The following ZBTB20 variants were observed in gnomAD, a reference collection of about 807,000 sequenced individuals.
ZBTB20 encodes the protein zinc finger and BTB domain-containing protein 20.
A neutral mutation model predicts 56.9 loss-of-function variants in ZBTB20; 9 were observed. The ratio of observed to expected loss-of-function variants is 0.16; its 90% CI spans 0.10 to 0.28. ZBTB20 has a LOEUF of 0.28. Among genes scored for constraint, ZBTB20 ranks in the 10% least tolerant of loss-of-function variants. The probability of loss-of-function intolerance (pLI) is 1.00; values close to 1 mark genes in which losing one functional copy is unlikely to be tolerated. For synonymous variants in ZBTB20, 417 were observed against 420.7 expected (o/e 0.99, Z 0.11); for missense variants, 655 against 1,003.0 (o/e 0.65, Z 4.69).
Position 114,439,324 on chromosome 3 carries a change from T to C in ZBTB20, c.-254-50219A>G, listed in dbSNP as rs567624285. Among the ~76,000 whole-genome samples the C allele has an allele frequency of 1.5e-3, 233 of 152,234 alleles. 2 individuals carry two copies. The highest frequency in any genetic ancestry group is 5.5e-3 in the African/African-American group (228 of 41,554). ...CACAGGTTCAGAAGTGCAGGTGAAT[T>C]ACCACAATAACTCTTTTCAGTTAGA... On this transcript the variant is annotated intron_variant, in intron 7 of 11. Coordinates refer to ENST00000675478, the MANE Select transcript of ZBTB20 (RefSeq NM_001348800.3).
chr3:114,534,636 G>A lies in ZBTB20; in HGVS notation c.-294-34245C>T, dbSNP rs559411572. 8.5e-5 allele frequency among the ~76,000 whole-genome samples: 13 copies of A among 152,164 alleles called. No homozygotes were observed. The East Asian group carries it at 2.1e-3, about 25-fold the overall frequency. Reference sequence around the variant, plus strand: ...CTTGAACTCAGCCCTGGGAACAAGTGGACCAAATAGACATCTACAGAACTC... The same window carrying A: ...CTTGAACTCAGCCCTGGGAACAAGTAGACCAAATAGACATCTACAGAACTC... On this transcript the variant is annotated intron_variant, in intron 6 of 11. Coordinates refer to ENST00000675478, the MANE Select transcript of ZBTB20 (RefSeq NM_001348800.3).
chr3:115,016,063 A>G (rs574034158), intron 2 of ZBTB20, among the ~76,000 whole-genome samples: 1 of 152,086 alleles, frequency 6.6e-6, no homozygotes, highest in Admixed American at 6.6e-5. Context: ...CATTTCTCTA[A>G]TGATCATTGA....
chr3:114,997,109 T>G (rs1246679692), intron 2 of ZBTB20, among the ~76,000 whole-genome samples: 1 of 151,716 alleles, frequency 6.6e-6, no homozygotes, highest in Non-Finnish European at 1.5e-5. Context: ...TCTTAAACAG[T>G]AGGGGCAGTT....
intron 6 of ZBTB20, among the ~76,000 whole-genome samples, chr3:114,663,646 C>G (rs1472205224): frequency 4.0e-5 from 6 of 151,462 alleles, no homozygotes; most frequent in Non-Finnish European, 7.4e-5. Flanking sequence ...GGAAACCCAT[C>G]TCACGTGCAG....
chr3:114,600,813 T>G (rs954919132), intron 6 of ZBTB20, among the ~76,000 whole-genome samples: 1 of 152,008 alleles, frequency 6.6e-6, no homozygotes, highest in Non-Finnish European at 1.5e-5. Context: ...ATTTTCTCCC[T>G]CCAGTCTCAT....
intron 1 of ZBTB20, among the ~76,000 whole-genome samples, chr3:115,087,476 C>A (rs1467670681): frequency 6.6e-6 from 1 of 151,840 alleles, no homozygotes; most frequent in South Asian, 2.1e-4. Flanking sequence ...GCCTCTACAC[C>A]TGAGATTATC....
intron 5 of ZBTB20, among the ~76,000 whole-genome samples, chr3:114,788,765 G>T (rs1260929960): frequency 6.6e-6 from 1 of 152,128 alleles, no homozygotes; most frequent in Non-Finnish European, 1.5e-5. Context: ...ATGTACCCAA[G>T]ACTGGGTAAT....
At chr3:114,556,098 G>A (rs552842936) in intron 6 of ZBTB20, among the ~76,000 whole-genome samples, 1 of 152,094 alleles carries the variant, frequency 6.6e-6, no homozygotes, top group Non-Finnish European at 1.5e-5. Flanking sequence ...AAGCATGCCA[G>A]TGAAAAGTTA....
At chr3:114,902,802 A>G (rs1187729828) in intron 3 of ZBTB20, among the ~76,000 whole-genome samples, 1 of 152,172 alleles carries the variant, frequency 6.6e-6, no homozygotes, top group Non-Finnish European at 1.5e-5. Flanking sequence ...ACCAAAGCAA[A>G]TAAGTTAGTT....
intron 6 of ZBTB20, among the ~76,000 whole-genome samples, chr3:114,586,151 G>A (rs2055154676): frequency 1.3e-5 from 2 of 152,164 alleles, no homozygotes; most frequent in Admixed American, 1.3e-4. Flanking sequence ...GTTCCTCCAT[G>A]TTTAGAATTT....
At chr3:114,770,268 G>A (rs747378465) in intron 5 of ZBTB20, among the ~76,000 whole-genome samples, 3 of 151,796 alleles carry the variant, frequency 2.0e-5, no homozygotes, top group Non-Finnish European at 4.4e-5. Context: ...GTGAAACCCT[G>A]TCTGTAGTAA....
rs999856658 is a variant in ZBTB20, at chr3:115,112,803, G to A, written c.-703+34416C>T. Among the ~76,000 whole-genome samples, 57 of 152,064 alleles carry A rather than the reference G, an allele frequency of 3.7e-4. 1 individual carries two copies. Among genetic ancestry groups the A allele is most frequent in the African/African-American group, 1.4e-3 (57 of 41,400 alleles). On this transcript the variant is annotated intron_variant, in intron 1 of 11. Transcript: ENST00000675478. ...TCCTTTGATATACTGATTTCTTTTT[G>A]AGGGGGATACTCAATAGAGAGATTG... is the stretch of plus-strand genomic sequence containing the variant.
chr3:114,656,558 T>C (rs1288311109), intron 6 of ZBTB20, among the ~76,000 whole-genome samples: 1 of 152,194 alleles, frequency 6.6e-6, no homozygotes, highest in African/African-American at 2.4e-5. Flanking sequence ...GTTCTTTACA[T>C]TAATAATTTC....
At chr3:114,639,306 G>C (rs1180767748) in intron 6 of ZBTB20, among the ~76,000 whole-genome samples, 1 of 151,998 alleles carries the variant, frequency 6.6e-6, no homozygotes, top group Non-Finnish European at 1.5e-5. Context: ...CAGGAGGTGG[G>C]GAAAAAGACT....
intron 7 of ZBTB20, among the ~76,000 whole-genome samples, chr3:114,413,897 A>G (rs2088241715): frequency 3.3e-5 from 5 of 152,184 alleles, no homozygotes; most frequent in Admixed American, 2.6e-4. Flanking sequence ...CTCTGCTACC[A>G]CACTGCTGCT....
chr3:114,497,144 A>T (rs995622522), intron 7 of ZBTB20, among the ~76,000 whole-genome samples: 2 of 152,206 alleles, frequency 1.3e-5, no homozygotes, highest in Non-Finnish European at 2.9e-5. Context: ...GTCTATTTCA[A>T]CACTACCAAA....
At chr3:114,395,863 G>A (rs567321089) in intron 7 of ZBTB20, among the ~76,000 whole-genome samples, 1 of 152,248 alleles carries the variant, frequency 6.6e-6, no homozygotes, top group African/African-American at 2.4e-5. Flanking sequence ...TTTCTCCATA[G>A]AGACCTCTTG....
rs1021855952 is a variant in ZBTB20, at chr3:114,319,316, C to T, written c.*19689G>A. 6.6e-6 allele frequency: 1 copy of T among 151,754 alleles called. No homozygotes were observed. Among genetic ancestry groups the T allele is most frequent in the Non-Finnish European group, 1.5e-5 (1 of 67,932 alleles). 9.4% of individuals were successfully genotyped at this position (151,754 alleles called of 1,614,324 possible). Reference sequence around the variant, plus strand: ...AGAAAAAATTCCAACAATTTTTTTCCTCTCCTAAACATTAACCTTCAGTCT... The same window carrying T: ...AGAAAAAATTCCAACAATTTTTTTCTTCTCCTAAACATTAACCTTCAGTCT... On this transcript the variant is annotated 3_prime_UTR_variant, in exon 12 of 12. Coordinates refer to ENST00000675478, the MANE Select transcript of ZBTB20 (RefSeq NM_001348800.3).
At chr3:114,705,438 T>G (rs773668641) in intron 5 of ZBTB20, among the ~76,000 whole-genome samples, 17 of 152,148 alleles carry the variant, frequency 1.1e-4, no homozygotes, top group Non-Finnish European at 2.4e-4. Context: ...TTCCAGTCTA[T>G]GAACATTTTA....
Sources: gnomAD v4.1 joint callset for allele counts (sites outside exome capture counted in the v4.1 genomes callset) on GRCh38, gnomAD v4.1.1 for gene constraint, MANE v1.5 for transcripts, NCBI Gene and HGNC (gene_info 2026-07-23, HGNC 2026-07-21) for gene names.